The following SPAG9 variants were observed in gnomAD, a reference collection of about 807,000 sequenced individuals.
The protein encoded by SPAG9 is C-Jun-amino-terminal kinase-interacting protein 4.
A neutral mutation model predicts 166.5 loss-of-function variants in SPAG9; 35 were observed. The observed-to-expected ratio is 0.21, with a 90% confidence interval of 0.16 to 0.28. The LOEUF is 0.28. Ranked by LOEUF, SPAG9 falls within the 10% of genes least tolerant of loss-of-function variation. The pLI is 1.00. For missense variants in SPAG9, 1,235 were observed against 1,603.3 expected (o/e 0.77, Z 3.92); for synonymous variants, 534 against 565.5 (o/e 0.94, Z 0.79).
At chr17:51,005,108 T>A in intron 12 of SPAG9, 104 bp downstream of exon 12, 1 of 962,048 alleles carries the variant, frequency 1.0e-6, no homozygotes, top group East Asian at 2.6e-5. Flanking sequence ...CTCCTGACTT[T>A]TAAAAATCTT....
chr17:51,069,471 C>T lies in SPAG9; in HGVS notation c.424+10113G>A, dbSNP rs999612241. Among the ~76,000 whole-genome samples the T allele has an allele frequency of 4.6e-5, 7 of 152,072 alleles. No homozygotes were observed. The South Asian group carries it at 6.2e-4, about 14-fold the overall frequency. On this transcript the variant is annotated intron_variant, in intron 2 of 29. Coordinates refer to ENST00000262013, the MANE Select transcript of SPAG9 (RefSeq NM_001130528.3). ...ATATTTAGGCTCTCTCAAATATTAA[C>T]TTTGATATGAAATGATACTTGGCAA...
intron 5 of SPAG9, chr17:51,032,000 C>T (rs978779884): frequency 1.5e-5 from 8 of 541,196 alleles, no homozygotes; most frequent in Non-Finnish European, 2.8e-5. Context: ...CTACTTACAC[C>T]ACTTTATGAA....
At chr17:51,095,629 C>T (rs981245210) in intron 1 of SPAG9, among the ~76,000 whole-genome samples, 35 of 145,454 alleles carry the variant, frequency 2.4e-4, no homozygotes, top group Admixed American at 2.8e-4. Context: ...CCAGCCTGGG[C>T]GACAGAGTGA....
chr17:50,988,599 C>T (rs915533761), intron 21 of SPAG9, among the ~76,000 whole-genome samples: 4 of 152,174 alleles, frequency 2.6e-5, no homozygotes, highest in African/African-American at 7.2e-5. Context: ...GTTTCCCAGG[C>T]GGCAGTGCAG....
chr17:51,021,025 T>C (rs892313295), intron 7 of SPAG9, 133 bp downstream of exon 7: 13 of 738,012 alleles, frequency 1.8e-5, no homozygotes, highest in Non-Finnish European at 2.5e-5. Flanking sequence ...ACCACAGATA[T>C]AGAGGGCCAA....
chr17:51,067,642 G>A (rs1359441237), intron 2 of SPAG9, among the ~76,000 whole-genome samples: 1 of 151,326 alleles, frequency 6.6e-6, no homozygotes, highest in Non-Finnish European at 1.5e-5. Context: ...ACAAGATTCT[G>A]TTCATCCTAT....
chr17:51,060,575 G>C (rs1598105850), intron 2 of SPAG9, among the ~76,000 whole-genome samples: 1 of 151,282 alleles, frequency 6.6e-6, no homozygotes, highest in South Asian at 2.1e-4. Context: ...ATTAAGGTGG[G>C]GCCCTGATCC....
chr17:51,053,871 A>G (rs1488920871), intron 3 of SPAG9, among the ~76,000 whole-genome samples: 3 of 97,384 alleles, frequency 3.1e-5, no homozygotes, highest in African/African-American at 1.1e-4. Flanking sequence ...ATATATATAT[A>G]TATATATATA....
At chr17:51,082,673 C>G (rs1292013914) in intron 1 of SPAG9, among the ~76,000 whole-genome samples, 9 of 151,964 alleles carry the variant, frequency 5.9e-5, no homozygotes, top group African/African-American at 2.2e-4. Flanking sequence ...AAACTGAAAC[C>G]CTTATAGAAA....
At chr17:51,046,748 C>T in intron 4 of SPAG9, 1 of 1,535,460 alleles carries the variant, frequency 6.5e-7, no homozygotes, top group Non-Finnish European at 8.7e-7. Context: ...ATCTGTCATT[C>T]AGCTTGCTGC....
chr17:51,017,754 C>T (rs2045763696), intron 8 of SPAG9, among the ~76,000 whole-genome samples: 1 of 152,010 alleles, frequency 6.6e-6, no homozygotes, highest in Admixed American at 6.6e-5. Flanking sequence ...GGGCATTTTG[C>T]AATGATTTAT....
chr17:51,098,514 C>T (rs920722193), intron 1 of SPAG9, among the ~76,000 whole-genome samples: 3 of 151,860 alleles, frequency 2.0e-5, no homozygotes, highest in Non-Finnish European at 2.9e-5. Context: ...TTATTTGAGA[C>T]GGAGTTTCGC....
intron 2 of SPAG9, among the ~76,000 whole-genome samples, chr17:51,066,031 T>C (rs1003364214): frequency 3.3e-5 from 5 of 152,224 alleles, no homozygotes; most frequent in Non-Finnish European, 5.9e-5. Flanking sequence ...GCTTAACATA[T>C]ATCAGCTTAT....
intron 21 of SPAG9, 94 bp downstream of exon 21, chr17:50,989,583 A>T: frequency 2.1e-6 from 2 of 946,120 alleles, no homozygotes; most frequent in Non-Finnish European, 3.4e-6. Flanking sequence ...AGTGACACTA[A>T]TTAGTGGAAA....
intron 5 of SPAG9, among the ~76,000 whole-genome samples, chr17:51,034,947 G>T (rs535101930): frequency 6.6e-6 from 1 of 152,298 alleles, no homozygotes; most frequent in South Asian, 2.1e-4. Context: ...AAGTCTCAAG[G>T]TCATGAAAGA....
intron 2 of SPAG9, among the ~76,000 whole-genome samples, chr17:51,070,541 G>C (rs1470436446): frequency 6.6e-6 from 1 of 152,024 alleles, no homozygotes. Context: ...CAGTATACCA[G>C]AAAAAATGAC....
intron 1 of SPAG9, among the ~76,000 whole-genome samples, chr17:51,108,959 T>G (rs962062913): frequency 7.3e-5 from 11 of 151,394 alleles, no homozygotes; most frequent in African/African-American, 2.7e-4. Flanking sequence ...GCCTCCTGGG[T>G]TCAAGCGATT....
chr17:50,981,131 A>T (rs894710851), intron 25 of SPAG9, among the ~76,000 whole-genome samples: 6 of 152,306 alleles, frequency 3.9e-5, no homozygotes, highest in African/African-American at 1.4e-4. Context: ...TTAAAATCTG[A>T]AAGTGTTTAA....
chr17:51,086,009 C>T (rs908272953), intron 1 of SPAG9, among the ~76,000 whole-genome samples: 1 of 140,512 alleles, frequency 7.1e-6, no homozygotes, highest in African/African-American at 2.8e-5. Flanking sequence ...CACTCTGTCG[C>T]CCAGGCTGGA....
Sources: gnomAD v4.1 joint callset for allele counts (sites outside exome capture counted in the v4.1 genomes callset) on GRCh38, gnomAD v4.1.1 for gene constraint, MANE v1.5 for transcripts, NCBI Gene and HGNC (gene_info 2026-07-23, HGNC 2026-07-21) for gene names.